Variants in ARRDC3 observed in about 807,000 individuals in gnomAD.
The protein encoded by ARRDC3 is arrestin domain containing 3.
Under a neutral mutation model 47.2 loss-of-function variants are expected in ARRDC3, and 10 were observed. That is an observed-to-expected ratio of 0.21 (90% confidence interval 0.13 to 0.36). The LOEUF is 0.36. ARRDC3 is among the 10% of genes least tolerant of loss of function. The pLI, the probability that ARRDC3 is intolerant of heterozygous loss-of-function variation, is 1.00. For missense variants in ARRDC3, 381 were observed against 503.6 expected (o/e 0.76, Z 2.33); for synonymous variants, 156 against 178.3 (o/e 0.87, Z 1.00).
intron 1 of ARRDC3, chr5:91,380,695 T>C (rs1799433344): frequency 6.6e-6 from 1 of 152,238 alleles, no homozygotes; most frequent in Non-Finnish European, 1.5e-5. Flanking sequence ...GGAAGATAGC[T>C]AACGGGGGTC....
At chr5:91,372,013 A>G (rs1163694062) in intron 7 of ARRDC3, among the ~76,000 whole-genome samples, 1 of 152,092 alleles carries the variant, frequency 6.6e-6, no homozygotes, top group Admixed American at 6.5e-5. Context: ...AAAATCCCAC[A>G]GAGGGCCAAA....
rs373902781 is a variant in ARRDC3, at chr5:91,375,055, A to T, written c.737T>A (p.Leu246His). ...GGATTCCCCACGCAAGTTAGCCACA[A>T]GCTGTTTTACTTCCTTCATTTTCCC... ...AKGKMKEVKQ[L>H]VANLRGESLS... The change falls in exon 5 of 8, where the codon CTT (leucine) becomes CAT (histidine). Residue 246 changes from leucine to histidine, a missense_variant. Leu to His is a moderately conservative substitution (Grantham distance 99, BLOSUM62 -3). Coordinates refer to ENST00000265138, the MANE Select transcript of ARRDC3 (RefSeq NM_020801.4). 1 of 1,614,210 alleles carries T rather than the reference A, an allele frequency of 6.2e-7. No homozygotes were observed. The highest frequency in any genetic ancestry group is 1.7e-5 in the Admixed American group (1 of 60,024).
At position 91,377,571 on chromosome 5, in the gene ARRDC3, A is replaced by T. The variant is rs931335291; in HGVS notation, c.363-803T>A. Among the ~76,000 whole-genome samples, 64 of 145,584 alleles carry T rather than the reference A, an allele frequency of 4.4e-4. 2 individuals are homozygous for T. The South Asian group carries it at 5.4e-3, about 12-fold the overall frequency. On this transcript the variant is annotated intron_variant, in intron 2 of 7. Coordinates refer to ENST00000265138, the MANE Select transcript of ARRDC3 (RefSeq NM_020801.4). ...CATAAGAAACACTGGTGTTTTCATA[A>T]TTTTTTTTTTTTTTTGCATTTTAGA...
rs1799308582 is a variant in ARRDC3 at position 91,376,612 on chromosome 5, A to C, written c.510+9T>G. The stretch of plus-strand genomic sequence containing the variant: ...AAAACAAAGAATAAATAATTCAGTC[A>C]ATTCTTACCAGTAATGAAGGAGTGT... On this transcript the variant is annotated intron_variant, in intron 3 of 7. Coordinates refer to ENST00000265138, the MANE Select transcript of ARRDC3 (RefSeq NM_020801.4). The C allele has an allele frequency of 6.3e-7, 1 of 1,594,068 alleles. No individual in the cohort carries two copies. The highest frequency in any genetic ancestry group is 1.4e-5 in the African/African-American group (1 of 74,072).
At chr5:91,373,434 GA>G (rs57135200) in intron 7 of ARRDC3, among the ~76,000 whole-genome samples, 20,683 of 151,172 alleles carry the variant, frequency 0.14, 1,761 homozygotes, top group East Asian at 0.37. Flanking sequence ...AAGTTTAAGA[GA>G]AAAAAAAATT....
chr5:91,374,168 G>C lies in ARRDC3; in HGVS notation c.979C>G (p.Gln327Glu). Residue 327 changes from glutamine to glutamate, a missense_variant, in exon 6 of 8, where the codon CAG becomes GAG. Coordinates refer to ENST00000265138, the MANE Select transcript of ARRDC3 (RefSeq NM_020801.4). ...AGCCAGTTCATATTCATGCTACACTGACTGCTTACACTTGAGGTTCTGCTA... is the reference window on the plus strand; with the variant it reads ...AGCCAGTTCATATTCATGCTACACTCACTGCTTACACTTGAGGTTCTGCTA... ...FGSRTSSVSS[Q>E]CSMNMNWLSL... 1 of 1,614,026 alleles carries C rather than the reference G, an allele frequency of 6.2e-7. No individual in the cohort carries two copies.
At chr5:91,376,242 C>T in intron 3 of ARRDC3, among the ~76,000 whole-genome samples, 1 of 152,052 alleles carries the variant, frequency 6.6e-6, no homozygotes, top group East Asian at 1.9e-4. Flanking sequence ...AAGTATAGTA[C>T]AAATTTTAGA....
At position 91,383,041 on chromosome 5, in the gene ARRDC3, C is replaced by T. The variant is rs768800649; in HGVS notation, c.52G>A (p.Asp18Asn). 2.5e-6 allele frequency: 4 copies of T among 1,613,858 alleles called. No homozygotes were observed. Among genetic ancestry groups the T allele is most frequent in the Non-Finnish European group, 2.5e-6 (3 of 1,179,860 alleles). Residue 18 changes from aspartate (D) to asparagine (N), a missense_variant, in exon 1 of 8, where the codon GAC becomes AAC. By Grantham distance (23) the Asp-to-Asn change is conservative (BLOSUM62 1). Transcript: ENST00000265138. ...SLTISFDCLN[D>N]SNVPVYSSGD... is the part of the protein sequence containing the mutation. Reference sequence around the variant, plus strand: ...CTAGAATACACAGGGACATTGCTGTCATTAAGACAGTCAAAGCTTATTGTC... The same window carrying T: ...CTAGAATACACAGGGACATTGCTGTTATTAAGACAGTCAAAGCTTATTGTC...
At position 91,383,294 on chromosome 5, in the gene ARRDC3, T is replaced by G; in HGVS notation, c.-202A>C. 1.9e-6 allele frequency: 1 copy of G among 529,858 alleles called. No homozygotes were observed. The highest frequency in any genetic ancestry group is 3.3e-6 in the Non-Finnish European group (1 of 307,048). The allele number at this position is 529,858 out of a possible 1,614,324, so 32.8% of individuals were successfully genotyped here. On this transcript the variant is annotated 5_prime_UTR_variant, in exon 1 of 8. Coordinates refer to ENST00000265138, the MANE Select transcript of ARRDC3 (RefSeq NM_020801.4). ...GGCTGCTGCTCCGCGCTCCCGCTCG[T>G]CTCAGTGGTCTCCTTACAAAGACGG... is the stretch of plus-strand genomic sequence containing the variant.
intron 2 of ARRDC3, among the ~76,000 whole-genome samples, chr5:91,377,402 A>C (rs1235536501): frequency 6.6e-6 from 1 of 152,064 alleles, no homozygotes; most frequent in Non-Finnish European, 1.5e-5. Flanking sequence ...GATCTATGTC[A>C]AGAGAATAAA....
intron 1 of ARRDC3, among the ~76,000 whole-genome samples, chr5:91,381,555 T>C (rs898140287): frequency 6.6e-6 from 1 of 152,224 alleles, no homozygotes; most frequent in Non-Finnish European, 1.5e-5. Context: ...TGAGTTCACC[T>C]TAATAGTTTC....
intron 1 of ARRDC3, among the ~76,000 whole-genome samples, chr5:91,379,039 C>T (rs1799374536): frequency 6.6e-6 from 1 of 151,780 alleles, no homozygotes; most frequent in Non-Finnish European, 1.5e-5. Context: ...GGAAAATGAC[C>T]CAAACTGCAA....
rs1273275300 is a variant in ARRDC3 at position 91,369,021 on chromosome 5, A to G, written c.*2379T>C. The G allele has an allele frequency of 6.6e-6, 1 of 152,622 alleles. No homozygotes were observed. Among genetic ancestry groups the G allele is most frequent in the Non-Finnish European group, 1.5e-5 (1 of 68,024 alleles). The allele number at this position is 152,622 out of a possible 1,614,324, so 9.5% of individuals were successfully genotyped here. A position where few individuals can be genotyped will look rare whatever the true frequency, so the allele number is the denominator to read the frequency against. Reference sequence around the variant, plus strand: ...AACTGTGAACCTCACATCTTATGTCAGGAATTGACCAATATTTTTAAAAAA... The same window carrying G: ...AACTGTGAACCTCACATCTTATGTCGGGAATTGACCAATATTTTTAAAAAA... On this transcript the variant is annotated 3_prime_UTR_variant, in exon 8 of 8. Transcript: ENST00000265138.
intron 1 of ARRDC3, chr5:91,380,786 G>A (rs1353721862): frequency 6.6e-6 from 1 of 152,310 alleles, no homozygotes; most frequent in Non-Finnish European, 1.5e-5. Flanking sequence ...GCACCTGTAA[G>A]GCCGGCAGGA....
intron 1 of ARRDC3, among the ~76,000 whole-genome samples, chr5:91,382,414 G>A (rs1799475146): frequency 6.6e-6 from 1 of 152,180 alleles, no homozygotes; most frequent in Admixed American, 6.5e-5. Flanking sequence ...TTTCTTGATC[G>A]AAGTTCAGTT....
chr5:91,378,830 C>T, intron 1 of ARRDC3, 55 bp from the exon 2 acceptor site: 2 of 1,167,600 alleles, frequency 1.7e-6, no homozygotes, highest in South Asian at 1.5e-5. Flanking sequence ...TTTACATACT[C>T]CGCAGGGTGG....
chr5:91,374,356 T>C, intron 5 of ARRDC3, 80 bp from the exon 6 acceptor site: 1 of 1,269,084 alleles, frequency 7.9e-7, no homozygotes, highest in East Asian at 2.4e-5. Flanking sequence ...ATTTTAATGT[T>C]ATTTGAAACC....
At position 91,371,338 on chromosome 5, in the gene ARRDC3, G is replaced by T; in HGVS notation, c.*62C>A. 1 of 1,433,662 alleles carries T rather than the reference G, an allele frequency of 7.0e-7. No individual in the cohort carries two copies. The highest frequency in any genetic ancestry group is 9.8e-7 in the Non-Finnish European group (1 of 1,023,858). The allele number at this position is 1,433,662 out of a possible 1,614,324, so 88.8% of individuals were successfully genotyped here. A position where few individuals can be genotyped will look rare whatever the true frequency, so the allele number is the denominator to read the frequency against. ...AAACGTGTCTCCAAGATACTTCTCTGTCCTCAGCCGGAAGAGATACAGTTC... is the reference window on the plus strand; with the variant it reads ...AAACGTGTCTCCAAGATACTTCTCTTTCCTCAGCCGGAAGAGATACAGTTC... On this transcript the variant is annotated 3_prime_UTR_variant, in exon 8 of 8. Coordinates refer to ENST00000265138, the MANE Select transcript of ARRDC3 (RefSeq NM_020801.4).
chr5:91,375,745 C>T lies in ARRDC3; in HGVS notation c.511-132G>A, dbSNP rs533393343. ...ACTGGTTTTGCTTTTTTTTTGTATCCAGACATACTTCTTATTTTTTAACTA... is the reference window on the plus strand; with the variant it reads ...ACTGGTTTTGCTTTTTTTTTGTATCTAGACATACTTCTTATTTTTTAACTA... On this transcript the variant is annotated intron_variant, in intron 3 of 7. Transcript: ENST00000265138. The T allele has an allele frequency of 6.2e-6, 3 of 485,648 alleles. No homozygotes were observed. In the South Asian group the frequency reaches 1.5e-4, roughly 24 times the overall value. The allele number at this position is 485,648 out of a possible 1,614,324, so 30.1% of individuals were successfully genotyped here.
Sources: allele counts gnomAD v4.1 joint callset (sites outside exome capture counted in the v4.1 genomes callset), GRCh38; gene constraint gnomAD v4.1.1; transcripts MANE v1.5; gene names NCBI Gene and HGNC (gene_info 2026-07-23, HGNC 2026-07-21).